PTAR1: variants seen among roughly 807,000 people sequenced by gnomAD.
PTAR1 encodes protein prenyltransferase alpha subunit repeat-containing protein 1.
A neutral mutation model predicts 45.5 loss-of-function variants in PTAR1; 17 were observed. The observed-to-expected ratio is 0.37, with a 90% CI of 0.26 to 0.56. The LOEUF is 0.56. PTAR1 is among the 20% of genes least tolerant of loss of function. The probability of loss-of-function intolerance (pLI) is 0.77; values close to 1 mark genes in which losing one functional copy is unlikely to be tolerated. For missense variants in PTAR1, 391 were observed against 476.3 expected (o/e 0.82, Z 1.67); for synonymous variants, 169 against 171.3 (o/e 0.99, Z 0.11).
rs1161444540 is a variant in PTAR1, at chr9:69,759,888, C to T, written c.51G>A (p.Lys17=). ...EVAVLVQRVV[K]DITNAFRRNP... ...TCCTCCTGAAGGCGTTAGTGATGTCCTTCACAACCCGCTGCACCAGCACCG... is the reference window on the plus strand; with the variant it reads ...TCCTCCTGAAGGCGTTAGTGATGTCTTTCACAACCCGCTGCACCAGCACCG... Residue 17 remains lysine, a synonymous_variant, in exon 1 of 8, where the codon AAG becomes AAA. Transcript: ENST00000340434. 1.3e-5 allele frequency: 20 copies of T among 1,530,784 alleles called. No individual in the cohort carries two copies. Among genetic ancestry groups the T allele is most frequent in the Non-Finnish European group, 7.0e-6 (8 of 1,139,356 alleles). The allele number at this position is 1,530,784 out of a possible 1,614,324, so 94.8% of individuals were successfully genotyped here.
chr9:69,725,881 G>T lies in PTAR1; in HGVS notation c.643-2251C>A, dbSNP rs189920176. Among the ~76,000 whole-genome samples, 58 of 152,162 alleles carry T rather than the reference G, an allele frequency of 3.8e-4. 2 individuals are homozygous for T. In the East Asian group the frequency reaches 9.7e-3, roughly 25 times the overall value. The stretch of plus-strand genomic sequence containing the variant: ...TGGCTTTAATGTACAGTACTGATGG[G>T]ATAAATGACCTTCGTATGATATACG... On this transcript the variant is annotated intron_variant, in intron 5 of 7. Transcript: ENST00000340434.
intron 4 of PTAR1, among the ~76,000 whole-genome samples, chr9:69,732,671 GGT>G (rs910920500): frequency 1.3e-5 from 2 of 151,220 alleles, no homozygotes; most frequent in Admixed American, 6.6e-5. Context: ...AAAGGCAATT[GGT>G]GTGTGTGTGT....
intron 5 of PTAR1, among the ~76,000 whole-genome samples, chr9:69,725,231 T>G (rs1264911197): frequency 1.3e-5 from 2 of 152,192 alleles, no homozygotes; most frequent in African/African-American, 4.8e-5. Context: ...TATTTCTAAC[T>G]GGATATTTCT....
chr9:69,738,809 ATTTTTT>A (rs34148439), intron 3 of PTAR1, among the ~76,000 whole-genome samples: 1 of 137,062 alleles, frequency 7.3e-6, no homozygotes. Flanking sequence ...TAACACCTCA[ATTTTTT>A]TTTTTTTTTT....
rs1003598009 is a variant in PTAR1, at chr9:69,718,775, A to G, written c.948-91T>C. The G allele has an allele frequency of 5.2e-6, 5 of 958,658 alleles. No homozygotes were observed. In the African/African-American group the frequency reaches 6.6e-5, roughly 13 times the overall value. 59.4% of individuals were successfully genotyped at this position (958,658 alleles called of 1,614,324 possible). A position where few individuals can be genotyped will look rare whatever the true frequency, so the allele number is the denominator to read the frequency against. On this transcript the variant is annotated intron_variant, in intron 6 of 7. Coordinates refer to ENST00000340434, the MANE Select transcript of PTAR1 (RefSeq NM_001099666.2). The stretch of plus-strand genomic sequence containing the variant: ...AAAAAAGTTTGCAATTTCAAAACAT[A>G]CAGTATTCAATTCACTGCCCATTTC...
chr9:69,719,220 A>C (rs939320267), intron 6 of PTAR1, among the ~76,000 whole-genome samples: 1 of 152,156 alleles, frequency 6.6e-6, no homozygotes, highest in African/African-American at 2.4e-5. Flanking sequence ...CCCTAAATCC[A>C]TCACCAACTA....
rs1236330137 is a variant in PTAR1, at chr9:69,716,480, G to A, written c.*1862C>T. The A allele has an allele frequency of 6.6e-6, 1 of 152,032 alleles. No individual in the cohort carries two copies. 9.4% of individuals were successfully genotyped at this position (152,032 alleles called of 1,614,324 possible). ...TGGGGCCAGGCTAGACAACTTTTCT[G>A]GCGTTCTTAAGTCTCAACTCACTTC... On this transcript the variant is annotated 3_prime_UTR_variant, in exon 8 of 8. Transcript: ENST00000340434.
chr9:69,737,126 C>T (rs1418418373), intron 3 of PTAR1, among the ~76,000 whole-genome samples: 1 of 152,066 alleles, frequency 6.6e-6, no homozygotes, highest in Admixed American at 6.6e-5. Flanking sequence ...CTTGCCCAGG[C>T]TGGAGTACAG....
At chr9:69,758,970 A>G (rs1403648026) in intron 1 of PTAR1, among the ~76,000 whole-genome samples, 2 of 152,002 alleles carry the variant, frequency 1.3e-5, no homozygotes, top group Non-Finnish European at 2.9e-5. Flanking sequence ...AAGGAGGTAC[A>G]TTGTTGCTTC....
intron 6 of PTAR1, among the ~76,000 whole-genome samples, chr9:69,721,124 G>A (rs1809064779): frequency 6.6e-6 from 1 of 152,200 alleles, no homozygotes; most frequent in African/African-American, 2.4e-5. Context: ...AAAACCTTCT[G>A]AAAAGGGTTC....
chr9:69,718,815 C>A (rs1056956155), intron 6 of PTAR1, 131 bp from the exon 7 acceptor site: 7 of 618,984 alleles, frequency 1.1e-5, no homozygotes, highest in African/African-American at 5.5e-5. Context: ...CCAAGTTATA[C>A]AGAGGAAGGA....
At position 69,716,868 on chromosome 9, in the gene PTAR1, C is replaced by T. The variant is rs1414588167; in HGVS notation, c.*1474G>A. On this transcript the variant is annotated 3_prime_UTR_variant, in exon 8 of 8. Coordinates refer to ENST00000340434, the MANE Select transcript of PTAR1 (RefSeq NM_001099666.2). ...AGGGGGTAGAAATCTTGAAGACACA[C>T]CCCTGAAGTAAGAAAGGAAAGGTAT... 3 of 151,952 alleles carry T rather than the reference C, an allele frequency of 2.0e-5. No homozygotes were observed. The highest frequency in any genetic ancestry group is 7.3e-5 in the African/African-American group (3 of 41,372). 9.4% of individuals were successfully genotyped at this position (151,952 alleles called of 1,614,324 possible). A position where few individuals can be genotyped will look rare whatever the true frequency, so the allele number is the denominator to read the frequency against.
At chr9:69,724,852 T>C (rs868076877) in intron 5 of PTAR1, among the ~76,000 whole-genome samples, 1 of 152,140 alleles carries the variant, frequency 6.6e-6, no homozygotes, top group African/African-American at 2.4e-5. Context: ...ATAAGGCAAA[T>C]AGTAAGATTA....
chr9:69,720,013 C>T (rs1824918519), intron 6 of PTAR1, among the ~76,000 whole-genome samples: 1 of 152,068 alleles, frequency 6.6e-6, no homozygotes, highest in Non-Finnish European at 1.5e-5. Flanking sequence ...CCCTGAGATA[C>T]AACAATATTG....
At chr9:69,739,492 A>C (rs1564139611) in intron 3 of PTAR1, among the ~76,000 whole-genome samples, 1 of 152,002 alleles carries the variant, frequency 6.6e-6, no homozygotes, top group Non-Finnish European at 1.5e-5. Flanking sequence ...CAGTTCAAAA[A>C]CTTATTTTTG....
At chr9:69,747,806 A>T (rs911122733) in intron 2 of PTAR1, among the ~76,000 whole-genome samples, 1 of 152,166 alleles carries the variant, frequency 6.6e-6, no homozygotes, top group East Asian at 1.9e-4. Flanking sequence ...ACCAAAATGT[A>T]TCTAGATTAG....
At chr9:69,755,982 G>A (rs1196982880) in intron 1 of PTAR1, among the ~76,000 whole-genome samples, 1 of 152,134 alleles carries the variant, frequency 6.6e-6, no homozygotes, top group Non-Finnish European at 1.5e-5. Flanking sequence ...TCTTGTCTAA[G>A]TCTACTCAGT....
chr9:69,739,038 C>T (rs956820512), intron 3 of PTAR1, among the ~76,000 whole-genome samples: 1 of 152,072 alleles, frequency 6.6e-6, no homozygotes, highest in African/African-American at 2.4e-5. Context: ...GATCTCCTGA[C>T]CTCGTGATCC....
In PTAR1 at chr9:69,709,782, T is replaced by C. The variant is rs1200789363; in HGVS notation, c.*8560A>G. On this transcript the variant is annotated 3_prime_UTR_variant, in exon 8 of 8. Transcript: ENST00000340434. ...CAGGGCTGTTTGTTAATATACATGATTATATTGTAAGAATAATATAAAAAC... is the reference window on the plus strand; with the variant it reads ...CAGGGCTGTTTGTTAATATACATGACTATATTGTAAGAATAATATAAAAAC... 1.3e-5 allele frequency: 2 copies of C among 152,098 alleles called. No homozygotes were observed. The highest frequency in any genetic ancestry group is 4.8e-5 in the African/African-American group (2 of 41,438). The allele number at this position is 152,098 out of a possible 1,614,324, so 9.4% of individuals were successfully genotyped here.
Sources: gnomAD v4.1 joint callset for allele counts (sites outside exome capture counted in the v4.1 genomes callset) on GRCh38, gnomAD v4.1.1 for gene constraint, MANE v1.5 for transcripts, NCBI Gene and HGNC (gene_info 2026-07-23, HGNC 2026-07-21) for gene names.